ZFPM2: variants seen among roughly 807,000 people sequenced by gnomAD.
ZFPM2 encodes the protein zinc finger protein ZFPM2.
In ZFPM2, 20 loss-of-function variants were observed where a neutral mutation model predicts 98.6. That is an observed-to-expected ratio of 0.20 (90% CI 0.14 to 0.29). The LOEUF (loss-of-function observed/expected upper bound fraction) is 0.29. Ranked by LOEUF, ZFPM2 falls within the 10% of genes least tolerant of loss-of-function variation. The probability of loss-of-function intolerance (pLI) is 1.00; values close to 1 mark genes in which losing one functional copy is unlikely to be tolerated. For missense variants in ZFPM2, 1,310 were observed against 1,388.6 expected (o/e 0.94, Z 0.90); for synonymous variants, 518 against 502.7 (o/e 1.03, Z -0.41).
chr8:105,419,263 A>C lies in ZFPM2; in HGVS notation c.160A>C (p.Asn54His). ...CTTTTCCACAGAATTTGGGCCTGAA[A>C]ATCTGAGCTGCGAAGAAGTGGAATA... is the stretch of plus-strand genomic sequence containing the variant. ...ESFSTEFGPENLSCEEVEYFC... is the reference protein window; with the variant it reads ...ESFSTEFGPEHLSCEEVEYFC... The change falls in exon 2 of 8, where the codon AAT becomes CAT. Residue 54 changes from asparagine to histidine, a missense_variant. Coordinates refer to ENST00000407775, the MANE Select transcript of ZFPM2 (RefSeq NM_012082.4). 1 of 1,613,622 alleles carries C rather than the reference A, an allele frequency of 6.2e-7. No homozygotes were observed. The highest frequency in any genetic ancestry group is 2.2e-5 in the East Asian group (1 of 44,840).
At chr8:105,527,022 T>C (rs1814188572) in intron 3 of ZFPM2, among the ~76,000 whole-genome samples, 1 of 152,124 alleles carries the variant, frequency 6.6e-6, no homozygotes, top group Admixed American at 6.6e-5. Flanking sequence ...CCTAGGGTTG[T>C]TATGAGGAAA....
At chr8:105,620,204 A>AC (rs1267926397) in intron 4 of ZFPM2, among the ~76,000 whole-genome samples, 2 of 152,246 alleles carry the variant, frequency 1.3e-5, no homozygotes, top group Middle Eastern at 3.4e-3. Context: ...TGGTTTCCTG[A>AC]CTTTTTAATG....
chr8:105,514,273 G>T (rs1813873120), intron 3 of ZFPM2, among the ~76,000 whole-genome samples: 1 of 148,982 alleles, frequency 6.7e-6, no homozygotes, highest in South Asian at 2.1e-4. Flanking sequence ...AAAGTGCTGG[G>T]ATTACAGGCG....
intron 4 of ZFPM2, among the ~76,000 whole-genome samples, chr8:105,625,221 A>T (rs1355120993): frequency 3.9e-5 from 6 of 152,040 alleles, no homozygotes; most frequent in Non-Finnish European, 8.8e-5. Flanking sequence ...ATTGAGCTTC[A>T]GTTTCAAAAG....
At chr8:105,604,126 T>C (rs565485224) in intron 4 of ZFPM2, among the ~76,000 whole-genome samples, 1 of 151,980 alleles carries the variant, frequency 6.6e-6, no homozygotes, top group Non-Finnish European at 1.5e-5. Context: ...CTCCAAAACA[T>C]ACACCCTAAG....
rs192941263 is a variant in ZFPM2, at chr8:105,584,291, T to C, written c.420+22810T>C. ...TTTTTAACTTTTATTTTATTTTTTT[T>C]CTAAAGTTTCTAAAATTACACATTA... On this transcript the variant is annotated intron_variant, in intron 4 of 7. Coordinates refer to ENST00000407775, the MANE Select transcript of ZFPM2 (RefSeq NM_012082.4). 9.9e-5 allele frequency among the ~76,000 whole-genome samples: 15 copies of C among 152,278 alleles called. No individual in the cohort carries two copies. The East Asian group carries it at 2.7e-3, about 27-fold the overall frequency.
At position 105,373,245 on chromosome 8, in the gene ZFPM2, T is replaced by G. The variant is rs1563626898; in HGVS notation, c.41-45899T>G. ...AACCCATATTTTAATTTTTACTTCC[T>G]CAGTTAAGCCAACCATTCACTGAAC... On this transcript the variant is annotated intron_variant, in intron 1 of 7. Transcript: ENST00000407775. Among the ~76,000 whole-genome samples the G allele has an allele frequency of 2.0e-5, 3 of 152,322 alleles. No individual in the cohort carries two copies. In the South Asian group the frequency reaches 6.2e-4, roughly 32 times the overall value.
intron 1 of ZFPM2, among the ~76,000 whole-genome samples, chr8:105,383,399 T>C (rs563637392): frequency 6.6e-6 from 1 of 152,280 alleles, no homozygotes; most frequent in East Asian, 1.9e-4. Context: ...TTGGTCAGCA[T>C]GACTGTCCAG....
chr8:105,493,667 T>G (rs1813400042), intron 3 of ZFPM2, among the ~76,000 whole-genome samples: 1 of 152,138 alleles, frequency 6.6e-6, no homozygotes, highest in African/African-American at 2.4e-5. Context: ...TCCAAACCAT[T>G]ACCTTTTACT....
chr8:105,393,775 G>A (rs995835040), intron 1 of ZFPM2, among the ~76,000 whole-genome samples: 1 of 151,938 alleles, frequency 6.6e-6, no homozygotes, highest in African/African-American at 2.4e-5. Context: ...AGTGTAAATT[G>A]TGGATGTTAC....
chr8:105,771,694 G>A, intron 5 of ZFPM2, among the ~76,000 whole-genome samples: 1 of 152,112 alleles, frequency 6.6e-6, no homozygotes, highest in East Asian at 1.9e-4. Flanking sequence ...AGCGTTGGCA[G>A]AAAGCCACCC....
chr8:105,711,797 C>G (rs779152345), intron 5 of ZFPM2, among the ~76,000 whole-genome samples: 1 of 152,000 alleles, frequency 6.6e-6, no homozygotes, highest in Non-Finnish European at 1.5e-5. Context: ...TAAAGCTTCT[C>G]CTAACCACCT....
At chr8:105,486,704 A>G (rs1813236667) in intron 3 of ZFPM2, among the ~76,000 whole-genome samples, 1 of 152,196 alleles carries the variant, frequency 6.6e-6, no homozygotes, top group African/African-American at 2.4e-5. Flanking sequence ...TTTCAGATTC[A>G]GGGATATTGA....
chr8:105,547,519 G>A (rs1405994617), intron 3 of ZFPM2, among the ~76,000 whole-genome samples: 2 of 131,854 alleles, frequency 1.5e-5, no homozygotes, highest in Non-Finnish European at 1.5e-5. Context: ...TCCAGCCTGG[G>A]TGACGAGAGT....
intron 4 of ZFPM2, among the ~76,000 whole-genome samples, chr8:105,617,576 C>T (rs1260813831): frequency 1.3e-5 from 2 of 152,150 alleles, no homozygotes; most frequent in African/African-American, 2.4e-5. Flanking sequence ...ACCGCCTGCT[C>T]AGATTGCATA....
At chr8:105,603,561 C>T (rs1327942512) in intron 4 of ZFPM2, among the ~76,000 whole-genome samples, 1 of 152,048 alleles carries the variant, frequency 6.6e-6, no homozygotes, top group Non-Finnish European at 1.5e-5. Flanking sequence ...TTAGCCTTAT[C>T]AGTATTCAGA....
intron 5 of ZFPM2, among the ~76,000 whole-genome samples, chr8:105,754,983 T>TGTGC (rs1812565346): frequency 6.8e-6 from 1 of 147,814 alleles, no homozygotes; most frequent in Non-Finnish European, 1.5e-5. Context: ...TGTGTGTGTG[T>TGTGC]GCACGTGCGC....
chr8:105,423,658 C>A (rs1811847461), intron 2 of ZFPM2, among the ~76,000 whole-genome samples: 1 of 152,152 alleles, frequency 6.6e-6, no homozygotes, highest in Non-Finnish European at 1.5e-5. Context: ...TGCCTTTCTT[C>A]TGGTTTATGT....
chr8:105,741,922 G>A (rs1445480812), intron 5 of ZFPM2, among the ~76,000 whole-genome samples: 4 of 152,024 alleles, frequency 2.6e-5, no homozygotes, highest in Non-Finnish European at 5.9e-5. Context: ...TTTCAAGGAA[G>A]GGCTTATGAT....
Sources: gnomAD v4.1 joint callset for allele counts (sites outside exome capture counted in the v4.1 genomes callset) on GRCh38, gnomAD v4.1.1 for gene constraint, MANE v1.5 for transcripts, NCBI Gene and HGNC (gene_info 2026-07-23, HGNC 2026-07-21) for gene names.